The following LYST variants were observed in gnomAD, a reference collection of about 807,000 sequenced individuals.
LYST encodes lysosomal-trafficking regulator.
In LYST, 192 loss-of-function variants were observed where a neutral mutation model predicts 413.6. The ratio of observed to expected loss-of-function variants is 0.46; its 90% confidence interval spans 0.41 to 0.52. The LOEUF is 0.52. Ranked by LOEUF, LYST falls within the 20% of genes least tolerant of loss-of-function variation. The pLI, the probability that LYST is intolerant of heterozygous loss-of-function variation, is 0.00. For missense variants in LYST, 3,815 were observed against 4,499.9 expected, an observed-to-expected ratio of 0.85 and a Z score of 4.35; for synonymous variants, 1,525 against 1,567.3, an observed-to-expected ratio of 0.97 and a Z score of 0.64.
chr1:235,754,473 C>T (rs1191466282), intron 25 of LYST, among the ~76,000 whole-genome samples: 2 of 152,032 alleles, frequency 1.3e-5, no homozygotes, highest in Non-Finnish European at 2.9e-5. Flanking sequence ...GATCCACCTG[C>T]CTCTGCCTCC....
chr1:235,864,695 G>A (rs994968058), intron 1 of LYST, among the ~76,000 whole-genome samples: 11 of 152,206 alleles, frequency 7.2e-5, no homozygotes, highest in African/African-American at 2.7e-4. Context: ...ATGTTGACAC[G>A]CCAAGGTGGA....
At chr1:235,753,880 G>A (rs570350296) in intron 25 of LYST, among the ~76,000 whole-genome samples, 1 of 152,210 alleles carries the variant, frequency 6.6e-6, no homozygotes, top group Non-Finnish European at 1.5e-5. Context: ...AAGTAGCATT[G>A]AAACTACCAT....
chr1:235,679,533 AT>A (rs1167638434), intron 48 of LYST, among the ~76,000 whole-genome samples: 2 of 151,876 alleles, frequency 1.3e-5, no homozygotes, highest in East Asian at 3.9e-4. Context: ...TCTTAGCTGT[AT>A]TTTTTTGTGC....
intron 1 of LYST, among the ~76,000 whole-genome samples, chr1:235,849,346 C>T (rs1207582611): frequency 2.0e-5 from 3 of 151,932 alleles, no homozygotes; most frequent in African/African-American, 4.8e-5. Flanking sequence ...TCAGCAAAAT[C>T]GGCATACAAG....
chr1:235,740,303 T>G (rs1665246219), intron 31 of LYST, among the ~76,000 whole-genome samples: 1 of 152,190 alleles, frequency 6.6e-6, no homozygotes, highest in Non-Finnish European at 1.5e-5. Flanking sequence ...ATAGATATAT[T>G]AAGTGTTTCT....
intron 21 of LYST, 61 bp from the exon 22 acceptor site, chr1:235,762,912 A>G: frequency 8.0e-7 from 1 of 1,251,268 alleles, no homozygotes; most frequent in Non-Finnish European, 1.2e-6. Flanking sequence ...CGAAAATATA[A>G]CTTTAAAAGC....
In LYST at chr1:235,805,787, C is replaced by A; in HGVS notation, c.3349G>T (p.Ala1117Ser). The change falls in exon 6 of 53, where the codon GCC becomes TCC. Residue 1117 changes from alanine (A) to serine (S), a missense_variant. Transcript: ENST00000389793. ...TCCATCTTCTGTTGACTAGTTCTGG[C>A]ACCATGAAGACAAATGGCCAGAAGG... The part of the protein sequence containing the change: ...EALLAICLHG[A>S]RTSQQKMELE... 1 of 1,613,484 alleles carries A rather than the reference C, an allele frequency of 6.2e-7. No individual in the cohort carries two copies. The highest frequency in any genetic ancestry group is 8.5e-7 in the Non-Finnish European group (1 of 1,179,810).
In LYST at chr1:235,800,316, T is replaced by C; in HGVS notation, c.4006+4A>G. On this transcript the variant is annotated splice_donor_region_variant and intron_variant, in intron 10 of 52. Coordinates refer to ENST00000389793, the MANE Select transcript of LYST (RefSeq NM_000081.4). ...AGCTATTGTTTAAAACAGTTTCAAC[T>C]TACCTTGAAAATCAGAATCATCCTG... The C allele has an allele frequency of 6.4e-7, 1 of 1,554,194 alleles. No individual in the cohort carries two copies. The highest frequency in any genetic ancestry group is 8.9e-7 in the Non-Finnish European group (1 of 1,125,648).
At chr1:235,802,690 G>A (rs1211667911) in intron 8 of LYST, among the ~76,000 whole-genome samples, 2 of 152,110 alleles carry the variant, frequency 1.3e-5, no homozygotes, top group African/African-American at 2.4e-5. Flanking sequence ...TTCACTCCAT[G>A]TTCTTAACCA....
chr1:235,699,333 C>T (rs926546230), intron 45 of LYST, among the ~76,000 whole-genome samples: 1 of 152,100 alleles, frequency 6.6e-6, no homozygotes, highest in South Asian at 2.1e-4. Flanking sequence ...TGAGAACAAG[C>T]GGTGTCTGGT....
In LYST at chr1:235,766,172, T is replaced by C; in HGVS notation, c.6028A>G (p.Thr2010Ala). ...GCTAAAAGGAAATTGAAGATAATTG[T>C]CAATAATTCCAAATCTGGAGGAGAT... is the stretch of plus-strand genomic sequence containing the variant. Reference protein sequence around the residue: ...LGSPPDLELLTIIFNFLLAVH... With the variant: ...LGSPPDLELLAIIFNFLLAVH... The change falls in exon 21 of 53, where the codon ACA (threonine) becomes GCA (alanine). Residue 2010 changes from threonine (T) to alanine (A), a missense_variant. Physicochemically the swap from Thr to Ala is moderately conservative, Grantham distance 58. This residue lies in a region of LYST where 530 missense variants were observed against 696.5 expected (regional missense o/e 0.76). Coordinates refer to ENST00000389793, the MANE Select transcript of LYST (RefSeq NM_000081.4). 3 of 1,613,036 alleles carry C rather than the reference T, an allele frequency of 1.9e-6. No individual in the cohort carries two copies. Among genetic ancestry groups the C allele is most frequent in the Non-Finnish European group, 2.5e-6 (3 of 1,179,132 alleles).
At chr1:235,842,064 T>C (rs1677281066) in intron 1 of LYST, among the ~76,000 whole-genome samples, 1 of 152,106 alleles carries the variant, frequency 6.6e-6, no homozygotes, top group Non-Finnish European at 1.5e-5. Flanking sequence ...TTCAGCTGCT[T>C]GGGTCTAATA....
intron 32 of LYST, 50 bp from the exon 33 acceptor site, chr1:235,733,956 C>A: frequency 3.2e-6 from 3 of 927,228 alleles, no homozygotes; most frequent in South Asian, 3.6e-5. Flanking sequence ...TATTTCTCAC[C>A]TAACATTGTC....
chr1:235,702,698 A>C, intron 45 of LYST, 49 bp downstream of exon 45: 2 of 1,471,160 alleles, frequency 1.4e-6, no homozygotes, highest in Non-Finnish European at 1.9e-6. Context: ...TGGCATCACA[A>C]GAGTCTAATC....
chr1:235,683,439 T>C (rs892637146), intron 48 of LYST, among the ~76,000 whole-genome samples: 4 of 152,256 alleles, frequency 2.6e-5, no homozygotes, highest in African/African-American at 9.6e-5. Context: ...AAATCAGTTA[T>C]CACATTTAGA....
intron 47 of LYST, among the ~76,000 whole-genome samples, chr1:235,692,728 A>G (rs535684201): frequency 1.3e-5 from 2 of 152,014 alleles, no homozygotes; most frequent in East Asian, 3.9e-4. Flanking sequence ...AGATACCACA[A>G]AAACGTTTAC....
Position 235,702,728 on chromosome 1 carries a change from T to G in LYST, c.10374+19A>C. 4 of 1,604,868 alleles carry G rather than the reference T, an allele frequency of 2.5e-6. No individual in the cohort carries two copies. Among genetic ancestry groups the G allele is most frequent in the Non-Finnish European group, 3.4e-6 (4 of 1,171,588 alleles). On this transcript the variant is annotated intron_variant, in intron 45 of 52. Transcript: ENST00000389793. ...CTAATCAGGTTTTGCTGCACTCGAT[T>G]GAAATCCAAATGACATACCGGATAG...
Position 235,846,116 on chromosome 1 carries a change from C to T in LYST, c.-97-12449G>A, listed in dbSNP as rs559120520. Among the ~76,000 whole-genome samples the T allele has an allele frequency of 3.9e-5, 6 of 152,250 alleles. No homozygotes were observed. In the South Asian group the frequency reaches 1.0e-3, roughly 26 times the overall value. Reference sequence around the variant, plus strand: ...CCAAAGCTAAGGACCCTCACGGAGTCCACTGCACCCTCCACCACCTGCACC... The same window carrying T: ...CCAAAGCTAAGGACCCTCACGGAGTTCACTGCACCCTCCACCACCTGCACC... On this transcript the variant is annotated intron_variant, in intron 1 of 52. Coordinates refer to ENST00000389793, the MANE Select transcript of LYST (RefSeq NM_000081.4).
At chr1:235,825,295 A>G (rs1433903160) in intron 3 of LYST, among the ~76,000 whole-genome samples, 1 of 152,190 alleles carries the variant, frequency 6.6e-6, no homozygotes, top group African/African-American at 2.4e-5. Flanking sequence ...CAGACACTAA[A>G]CCAGGAGGTC....
Sources: allele counts gnomAD v4.1 joint callset (sites outside exome capture counted in the v4.1 genomes callset), GRCh38; gene constraint gnomAD v4.1.1; regional missense constraint gnomAD v4.1.1; transcripts MANE v1.5; gene names NCBI Gene and HGNC (gene_info 2026-07-23, HGNC 2026-07-21).